Variants in CRYZ observed in about 807,000 individuals in gnomAD.
CRYZ encodes zeta-crystallin.
CRYZ carries 35 observed loss-of-function variants against 34.1 expected under a neutral mutation model. That is an observed-to-expected ratio of 1.03 (90% confidence interval 0.78 to 1.36). The LOEUF (loss-of-function observed/expected upper bound fraction) is 1.36, where lower values mean the gene tolerates loss of function less well. Ranked by LOEUF, CRYZ falls within the 40% of genes most tolerant of loss-of-function variation. CRYZ has a pLI of 0.00. For synonymous variants in CRYZ, 137 were observed against 136.5 expected, an observed-to-expected ratio of 1.00 and a Z score of -0.03; for missense variants, 403 against 391.8, an observed-to-expected ratio of 1.03 and a Z score of -0.24.
intron 4 of CRYZ, among the ~76,000 whole-genome samples, chr1:74,715,092 A>C (rs998025095): frequency 6.6e-6 from 1 of 152,182 alleles, no homozygotes; most frequent in African/African-American, 2.4e-5. Context: ...CCAAGGAAAG[A>C]AAGAAATTTT....
intron 1 of CRYZ, among the ~76,000 whole-genome samples, chr1:74,728,522 G>A (rs1014187937): frequency 6.6e-6 from 1 of 152,114 alleles, no homozygotes; most frequent in Admixed American, 6.5e-5. Context: ...ACCACAAGAA[G>A]CTTAAACATT....
rs978444248 is a variant in CRYZ, at chr1:74,706,145, TCTTCTG to T, written c.*145_*150del. On this transcript the variant is annotated 3_prime_UTR_variant, in exon 9 of 9. Coordinates refer to ENST00000340866, the MANE Select transcript of CRYZ (RefSeq NM_001889.4). Reference sequence around the variant, plus strand: ...TTGCTAGCTATACAATAAATTTTACTCTTCTGCTTCTGCTCTCTAAAGAAAAATCTT... The same window carrying T: ...TTGCTAGCTATACAATAAATTTTACTCTTCTGCTCTCTAAAGAAAAATCTT... The T allele has an allele frequency of 8.5e-6, 5 of 585,116 alleles. No homozygotes were observed. The highest frequency in any genetic ancestry group is 1.4e-5 in the Non-Finnish European group (5 of 352,574). 36.2% of individuals were successfully genotyped at this position (585,116 alleles called of 1,614,324 possible). A position where few individuals can be genotyped will look rare whatever the true frequency, so the allele number is the denominator to read the frequency against.
At chr1:74,727,458 C>CAAAAAAAAAAA (rs3041452) in intron 1 of CRYZ, among the ~76,000 whole-genome samples, 18 of 71,870 alleles carry the variant, frequency 2.5e-4, no homozygotes, top group South Asian at 5.9e-4. Flanking sequence ...CTAAAAAATA[C>CAAAAAAAAAAA]AAAAAAAAAA....
intron 6 of CRYZ, among the ~76,000 whole-genome samples, chr1:74,709,679 A>G (rs1412840132): frequency 6.6e-6 from 1 of 152,224 alleles, no homozygotes; most frequent in Non-Finnish European, 1.5e-5. Flanking sequence ...CATCCAGCTA[A>G]CAAATGAACT....
In CRYZ at chr1:74,706,934, T is replaced by C. The variant is rs922033928; in HGVS notation, c.793A>G (p.Ser265Gly). Residue 265 changes from serine (S) to glycine (G), a missense_variant, in exon 8 of 9, where the codon AGT becomes GGT. By Grantham distance (56) the Ser-to-Gly change is moderately conservative. Coordinates refer to ENST00000340866, the MANE Select transcript of CRYZ (RefSeq NM_001889.4). ...GAAAAGAGAGTAACTCCAATTATAC[T>C]CGACTCCTTTGCCATGGTGTCTCGT... is the stretch of plus-strand genomic sequence containing the variant. ...NPRDTMAKES[S>G]IIGVTLFSST... is the part of the protein sequence containing the mutation. 3 of 1,613,010 alleles carry C rather than the reference T, an allele frequency of 1.9e-6. No homozygotes were observed. The highest frequency in any genetic ancestry group is 2.7e-5 in the African/African-American group (2 of 74,836).
rs936134223 is a variant in CRYZ, at chr1:74,707,280, T to C, written c.631-76A>G. On this transcript the variant is annotated intron_variant, in intron 6 of 8. Transcript: ENST00000340866. Reference sequence around the variant, plus strand: ...AAATAGCTACTATCTGTACAAGATATTATAGAAATATGTTTCAAATGATAT... The same window carrying C: ...AAATAGCTACTATCTGTACAAGATACTATAGAAATATGTTTCAAATGATAT... 6 of 789,764 alleles carry C rather than the reference T, an allele frequency of 7.6e-6. No individual in the cohort carries two copies. The African/African-American group carries it at 1.1e-4, about 14-fold the overall frequency. 48.9% of individuals were successfully genotyped at this position (789,764 alleles called of 1,614,324 possible). A position where few individuals can be genotyped will look rare whatever the true frequency, so the allele number is the denominator to read the frequency against.
chr1:74,731,352 A>G (rs1257996265), intron 1 of CRYZ, among the ~76,000 whole-genome samples: 1 of 152,244 alleles, frequency 6.6e-6, no homozygotes, highest in Admixed American at 6.5e-5. Context: ...ATGAGACAAG[A>G]GCAAAAGTAA....
Position 74,706,881 on chromosome 1 carries a change from A to C in CRYZ, c.828+18T>G, listed in dbSNP as rs1646935816. ...CCAATGTTTAAGTTACCAAAATCAG[A>C]AGTACTTCTTTTCCTACCTTGGTTG... On this transcript the variant is annotated intron_variant, in intron 8 of 8. Coordinates refer to ENST00000340866, the MANE Select transcript of CRYZ (RefSeq NM_001889.4). The C allele has an allele frequency of 6.2e-7, 1 of 1,600,856 alleles. No homozygotes were observed. The highest frequency in any genetic ancestry group is 8.6e-7 in the Non-Finnish European group (1 of 1,168,744).
In CRYZ at chr1:74,705,932, A is replaced by T; in HGVS notation, c.*364T>A. On this transcript the variant is annotated 3_prime_UTR_variant, in exon 9 of 9. Coordinates refer to ENST00000340866, the MANE Select transcript of CRYZ (RefSeq NM_001889.4). ...GAGACTAGAGAACCTTTATAAAGGT[A>T]AGTAGGCTTGAAAACCCTTGGAAAC... 1 of 164,050 alleles carries T rather than the reference A, an allele frequency of 6.1e-6. No homozygotes were observed. The highest frequency in any genetic ancestry group is 1.3e-5 in the Non-Finnish European group (1 of 75,606). The allele number at this position is 164,050 out of a possible 1,614,324, so 10.2% of individuals were successfully genotyped here. A position where few individuals can be genotyped will look rare whatever the true frequency, so the allele number is the denominator to read the frequency against.
chr1:74,718,971 C>T (rs1301858282), intron 4 of CRYZ, among the ~76,000 whole-genome samples: 1 of 152,168 alleles, frequency 6.6e-6, no homozygotes, highest in East Asian at 1.9e-4. Context: ...TATGATCACT[C>T]TTATGTCATT....
At chr1:74,724,051 A>T (rs75913436) in intron 2 of CRYZ, among the ~76,000 whole-genome samples, 1 of 152,208 alleles carries the variant, frequency 6.6e-6, no homozygotes, top group Non-Finnish European at 1.5e-5. Flanking sequence ...GTAAAAAAAA[A>T]TAGCATGTGC....
chr1:74,730,005 CT>C (rs547893889), intron 1 of CRYZ, among the ~76,000 whole-genome samples: 16 of 152,186 alleles, frequency 1.1e-4, no homozygotes, highest in African/African-American at 3.9e-4. Flanking sequence ...GAGATGCTTG[CT>C]TTTTCCATTT....
At chr1:74,731,376 T>C (rs936922301) in intron 1 of CRYZ, among the ~76,000 whole-genome samples, 1 of 152,220 alleles carries the variant, frequency 6.6e-6, no homozygotes, top group Non-Finnish European at 1.5e-5. Flanking sequence ...TAAATAAGAA[T>C]TCTGGCAAGA....
intron 1 of CRYZ, among the ~76,000 whole-genome samples, chr1:74,729,702 AT>A (rs1454908762): frequency 2.6e-5 from 4 of 152,120 alleles, no homozygotes; most frequent in South Asian, 4.1e-4. Flanking sequence ...TATGAAAAAA[AT>A]ATACTCTATA....
At chr1:74,707,769 T>A (rs962404114) in intron 6 of CRYZ, 3 of 152,192 alleles carry the variant, frequency 2.0e-5, no homozygotes. Flanking sequence ...ATATTCATTT[T>A]ATTTTAACAC....
At chr1:74,717,077 C>G (rs531044416) in intron 4 of CRYZ, among the ~76,000 whole-genome samples, 1 of 152,266 alleles carries the variant, frequency 6.6e-6, no homozygotes, top group East Asian at 1.9e-4. Flanking sequence ...TAAATGTTTC[C>G]ATAATTATAT....
intron 4 of CRYZ, among the ~76,000 whole-genome samples, chr1:74,714,914 A>G (rs1214242527): frequency 3.9e-5 from 6 of 152,172 alleles, no homozygotes; most frequent in Non-Finnish European, 7.3e-5. Flanking sequence ...GAGTGGCTAC[A>G]GTCCTTGTGG....
chr1:74,712,690 G>A (rs2100700115), intron 5 of CRYZ, among the ~76,000 whole-genome samples: 1 of 152,050 alleles, frequency 6.6e-6, no homozygotes, highest in East Asian at 1.9e-4. Context: ...CTATGGGGTG[G>A]GCACAATTAA....
chr1:74,706,814 C>T (rs866228602), intron 8 of CRYZ, 85 bp downstream of exon 8: 2 of 1,100,396 alleles, frequency 1.8e-6, no homozygotes, highest in Middle Eastern at 2.2e-4. Context: ...CTAAGTTTAA[C>T]ATCTATTCAA....
Sources: gnomAD v4.1 joint callset for allele counts (sites outside exome capture counted in the v4.1 genomes callset) on GRCh38, gnomAD v4.1.1 for gene constraint, MANE v1.5 for transcripts, NCBI Gene and HGNC (gene_info 2026-07-23, HGNC 2026-07-21) for gene names.